CDH4: variants seen among roughly 807,000 people sequenced by gnomAD.
CDH4 encodes cadherin-4.
In CDH4, 33 loss-of-function variants were observed where a neutral mutation model predicts 86.0. The observed-to-expected ratio is 0.38, with a 90% CI of 0.29 to 0.51. The LOEUF is 0.51. Among genes scored for constraint, CDH4 ranks in the 20% least tolerant of loss-of-function variants. The probability of loss-of-function intolerance (pLI) is 0.86; values close to 1 mark genes in which losing one functional copy is unlikely to be tolerated. For synonymous variants in CDH4, 555 were observed against 549.4 expected (o/e 1.01, Z -0.14); for missense variants, 1,114 against 1,307.4 (o/e 0.85, Z 2.28).
chr20:61,826,308 G>A (rs1365628349), intron 4 of CDH4, among the ~76,000 whole-genome samples: 2 of 152,218 alleles, frequency 1.3e-5, no homozygotes, highest in African/African-American at 2.4e-5. Context: ...CCTCGGCCAT[G>A]CCAGCTAAGC....
chr20:61,575,970 G>A (rs746340723), intron 2 of CDH4, among the ~76,000 whole-genome samples: 7 of 152,116 alleles, frequency 4.6e-5, no homozygotes, highest in South Asian at 4.2e-4. Flanking sequence ...CAAGGGCTTC[G>A]TCCTTGGGTT....
At chr20:61,280,069 C>T (rs2084250731) in intron 2 of CDH4, among the ~76,000 whole-genome samples, 1 of 152,060 alleles carries the variant, frequency 6.6e-6, no homozygotes, top group South Asian at 2.1e-4. Context: ...TGCGGGGCCT[C>T]CCAGGTGGGA....
At chr20:61,924,735 G>T (rs1453674296) in intron 11 of CDH4, among the ~76,000 whole-genome samples, 1 of 152,002 alleles carries the variant, frequency 6.6e-6, no homozygotes, top group East Asian at 1.9e-4. Context: ...TCACTTGCTT[G>T]TTCGAAGGTG....
chr20:61,454,954 C>A (rs1435535208), intron 2 of CDH4, among the ~76,000 whole-genome samples: 2 of 152,134 alleles, frequency 1.3e-5, no homozygotes, highest in African/African-American at 4.8e-5. Flanking sequence ...GTTTTATTTT[C>A]TTTAACAGCT....
chr20:61,833,099 C>G (rs1211594445), intron 4 of CDH4, among the ~76,000 whole-genome samples: 1 of 152,038 alleles, frequency 6.6e-6, no homozygotes. Flanking sequence ...GTACTCAGCC[C>G]CCATGAGTGA....
chr20:61,256,405 A>C (rs1250350078), intron 2 of CDH4, among the ~76,000 whole-genome samples: 1 of 152,248 alleles, frequency 6.6e-6, no homozygotes, highest in East Asian at 1.9e-4. Flanking sequence ...TGCTTACTAC[A>C]GAAGAGAATG....
chr20:61,344,152 C>A (rs768832366), intron 2 of CDH4, among the ~76,000 whole-genome samples: 1 of 152,022 alleles, frequency 6.6e-6, no homozygotes, highest in Non-Finnish European at 1.5e-5. Context: ...GGGGAGGAGA[C>A]GGGTTAGGGC....
At chr20:61,650,708 A>T (rs903955912) in intron 2 of CDH4, among the ~76,000 whole-genome samples, 5 of 152,240 alleles carry the variant, frequency 3.3e-5, no homozygotes, top group Admixed American at 3.3e-4. Flanking sequence ...TGTATTTTAA[A>T]AGGTTTATTT....
intron 2 of CDH4, among the ~76,000 whole-genome samples, chr20:61,275,729 A>C (rs988659698): frequency 6.6e-6 from 1 of 151,598 alleles, no homozygotes; most frequent in African/African-American, 2.4e-5. Flanking sequence ...TATCATGTGC[A>C]GTTTGGAGTA....
intron 7 of CDH4, among the ~76,000 whole-genome samples, chr20:61,877,605 G>C (rs1481389579): frequency 6.6e-6 from 1 of 152,182 alleles, no homozygotes. Context: ...GGCGTGGTGT[G>C]CTGGAGAGGG....
At chr20:61,861,445 G>T (rs1255707778) in intron 6 of CDH4, among the ~76,000 whole-genome samples, 1 of 152,212 alleles carries the variant, frequency 6.6e-6, no homozygotes, top group Non-Finnish European at 1.5e-5. Flanking sequence ...AAGACCCACA[G>T]CAGCTGGGAG....
intron 2 of CDH4, among the ~76,000 whole-genome samples, chr20:61,423,670 C>T (rs1323660076): frequency 1.4e-5 from 1 of 72,934 alleles, no homozygotes; most frequent in African/African-American, 5.7e-5. Context: ...TTGGCAGGTA[C>T]GTTCGTCATT....
At chr20:61,295,989 C>T (rs922687935) in intron 2 of CDH4, among the ~76,000 whole-genome samples, 2 of 152,040 alleles carry the variant, frequency 1.3e-5, no homozygotes, top group African/African-American at 4.8e-5. Context: ...GGTCTACCCC[C>T]GCTGCAGGAG....
intron 8 of CDH4, 36 bp from the exon 9 acceptor site, chr20:61,910,386 C>A (rs780384689): frequency 1.2e-5 from 19 of 1,594,214 alleles, no homozygotes; most frequent in Non-Finnish European, 1.5e-5. Context: ...TTACACTTAA[C>A]ACGGGTTTGT....
intron 2 of CDH4, among the ~76,000 whole-genome samples, chr20:61,470,054 G>A (rs1011055546): frequency 6.6e-6 from 1 of 152,030 alleles, no homozygotes; most frequent in Non-Finnish European, 1.5e-5. Flanking sequence ...GTCTTTTGTG[G>A]TTCTATATAC....
At chr20:61,384,463 A>C (rs1466093936) in intron 2 of CDH4, among the ~76,000 whole-genome samples, 3 of 152,196 alleles carry the variant, frequency 2.0e-5, no homozygotes, top group Admixed American at 6.5e-5. Context: ...TCTGGCATTT[A>C]CTGTGCTGCT....
chr20:61,361,771 T>A (rs1046062529), intron 2 of CDH4, among the ~76,000 whole-genome samples: 2 of 152,172 alleles, frequency 1.3e-5, no homozygotes, highest in Non-Finnish European at 2.9e-5. Context: ...CAGTCTGTGC[T>A]CGGGCATAGG....
chr20:61,894,687 A>G (rs1158031299), intron 7 of CDH4, among the ~76,000 whole-genome samples: 2 of 152,086 alleles, frequency 1.3e-5, no homozygotes, highest in Non-Finnish European at 2.9e-5. Context: ...AAACCTCTTC[A>G]TGCCGCACCT....
chr20:61,478,723 G>T (rs926576790), intron 2 of CDH4, among the ~76,000 whole-genome samples: 1 of 152,234 alleles, frequency 6.6e-6, no homozygotes. Flanking sequence ...CGTGAAAAAT[G>T]CAGAAGACCT....
Sources: allele counts gnomAD v4.1 joint callset (sites outside exome capture counted in the v4.1 genomes callset), GRCh38; gene constraint gnomAD v4.1.1; transcripts MANE v1.5; gene names NCBI Gene and HGNC (gene_info 2026-07-23, HGNC 2026-07-21).